Variants in HUWE1 observed in about 807,000 individuals in gnomAD.
The protein encoded by HUWE1 is E3 ubiquitin-protein ligase HUWE1.
A neutral mutation model predicts 299.4 loss-of-function variants in HUWE1; 18 were observed. The observed-to-expected ratio is 0.06, with a 90% CI of 0.04 to 0.09. The LOEUF is 0.09. Ranked by LOEUF, HUWE1 falls within the 10% of genes least tolerant of loss-of-function variation. The pLI is 1.00. For synonymous variants in HUWE1, 1,317 were observed against 1,286.1 expected, an observed-to-expected ratio of 1.02 and a Z score of -0.51; for missense variants, 1,832 against 3,462.3, an observed-to-expected ratio of 0.53 and a Z score of 11.82.
At chrX:53,662,274 A>C (rs958360608) in intron 3 of HUWE1, among the ~76,000 whole-genome samples, 1 of 111,900 alleles carries the variant, frequency 8.9e-6, no homozygotes, top group African/African-American at 3.3e-5. Context: ...AATCCCTGCT[A>C]TATCACTTAC....
chrX:53,559,096 C>A, intron 57 of HUWE1, 36 bp from the exon 58 acceptor site: 1 of 1,080,254 alleles, frequency 9.3e-7, no homozygotes, highest in Admixed American at 2.6e-5. Flanking sequence ...GATTCTTGGC[C>A]TTGTCAAGCA....
At chrX:53,552,971 C>T in intron 61 of HUWE1, 78 bp from the exon 62 acceptor site, 1 of 1,090,239 alleles carries the variant, frequency 9.2e-7, no homozygotes, top group Non-Finnish European at 1.3e-6. Flanking sequence ...TTTGATAGGG[C>T]TGCTTCCTTA....
chrX:53,568,963 G>A, intron 48 of HUWE1, 89 bp from the exon 49 acceptor site: 1 of 740,016 alleles, frequency 1.4e-6, no homozygotes, highest in Non-Finnish European at 2.0e-6. Context: ...TAACCCTCCT[G>A]TAACTTTTGT....
chrX:53,578,581 G>A (rs2063351642), intron 43 of HUWE1, among the ~76,000 whole-genome samples: 1 of 98,129 alleles, frequency 1.0e-5, no homozygotes, highest in Non-Finnish European at 2.1e-5. Context: ...GAGGGGGGAG[G>A]GGGGGTCAGC....
At chrX:53,563,009 T>C (rs1432749171) in intron 52 of HUWE1, 80 bp from the exon 53 acceptor site, 2 of 824,212 alleles carry the variant, frequency 2.4e-6, no homozygotes, top group East Asian at 3.1e-5. Flanking sequence ...AGTAGCTATG[T>C]ACACCTAGCA....
At chrX:53,596,785 G>C (rs1177414696) in intron 29 of HUWE1, among the ~76,000 whole-genome samples, 2 of 112,516 alleles carry the variant, frequency 1.8e-5, no homozygotes, top group Admixed American at 9.4e-5. Flanking sequence ...GACGTTGGAA[G>C]TGCTCCCAAG....
intron 23 of HUWE1, among the ~76,000 whole-genome samples, chrX:53,611,765 CGA>C (rs1557002450): frequency 9.2e-6 from 1 of 108,340 alleles, no homozygotes; most frequent in African/African-American, 3.4e-5. Context: ...GGCTAAGGAC[CGA>C]GAACTGCTTG....
At chrX:53,564,821 G>A in intron 50 of HUWE1, 99 bp from the exon 51 acceptor site, 2 of 1,065,363 alleles carry the variant, frequency 1.9e-6, no homozygotes, top group Non-Finnish European at 1.3e-6. Context: ...CCTTGGGCAA[G>A]TTTGTAAGTT....
chrX:53,553,310 T>G (rs2061850117), intron 61 of HUWE1, among the ~76,000 whole-genome samples: 1 of 108,538 alleles, frequency 9.2e-6, no homozygotes, highest in Non-Finnish European at 1.9e-5. Context: ...GCCCGGCCAG[T>G]TTTTTGTATT....
intron 2 of HUWE1, among the ~76,000 whole-genome samples, chrX:53,682,693 G>T (rs2070233798): frequency 9.0e-6 from 1 of 111,046 alleles, no homozygotes; most frequent in African/African-American, 3.3e-5. Context: ...GTGAGAAGCA[G>T]GTAAGAGGTG....
intron 43 of HUWE1, among the ~76,000 whole-genome samples, chrX:53,578,730 G>T (rs1258115499): frequency 1.7e-4 from 11 of 65,069 alleles, no homozygotes; most frequent in East Asian, 5.6e-4. Context: ...GGTGAGGGGC[G>T]CCTCTGCCCG....
chrX:53,534,767 C>G (rs782255357), intron 81 of HUWE1, 70 bp from the exon 82 acceptor site: 23 of 973,116 alleles, frequency 2.4e-5, no homozygotes, highest in Admixed American at 4.9e-5. Flanking sequence ...GATCCCCCAT[C>G]TGGCTCCCAT....
At chrX:53,541,187 C>A (rs1429871563) in intron 74 of HUWE1, among the ~76,000 whole-genome samples, 1 of 112,100 alleles carries the variant, frequency 8.9e-6, no homozygotes, top group Non-Finnish European at 1.9e-5. Flanking sequence ...TGTTTTAACT[C>A]ATTTAATCCT....
intron 61 of HUWE1, 80 bp downstream of exon 61, chrX:53,554,553 C>A: frequency 9.8e-7 from 1 of 1,019,591 alleles, no homozygotes. Context: ...TTCTCTCAAG[C>A]AAAAGAGCAA....
intron 4 of HUWE1, among the ~76,000 whole-genome samples, chrX:53,650,516 C>G (rs2068386782): frequency 1.8e-5 from 2 of 112,419 alleles, no homozygotes; most frequent in Non-Finnish European, 3.8e-5. Flanking sequence ...GTACTATGGT[C>G]TCTGTTTTAT....
chrX:53,591,245 T>C (rs1177592301), intron 33 of HUWE1, 123 bp from the exon 34 acceptor site: 2 of 763,983 alleles, frequency 2.6e-6, no homozygotes, highest in Non-Finnish European at 3.9e-6. Context: ...AGAGCATTTA[T>C]GAGCTAGGGC....
chrX:53,578,370 C>T (rs1556961805), intron 43 of HUWE1, among the ~76,000 whole-genome samples: 1 of 104,113 alleles, frequency 9.6e-6, no homozygotes, highest in African/African-American at 3.6e-5. Flanking sequence ...GGGTCAGCCC[C>T]CCGCCCGGCC....
chrX:53,578,501 CCCGGCCAGCCGCCCAGT>C (rs2063336580), intron 43 of HUWE1, among the ~76,000 whole-genome samples: 1 of 99,636 alleles, frequency 1.0e-5, no homozygotes, highest in Non-Finnish European at 2.1e-5. Flanking sequence ...CAGCCCCCGG[CCCGGCCAGCCGCCCAGT>C]CCGGGAGGGA....
intron 28 of HUWE1, among the ~76,000 whole-genome samples, chrX:53,601,018 T>G (rs2064802079): frequency 8.9e-6 from 1 of 112,070 alleles, no homozygotes. Flanking sequence ...TTTGAAATTC[T>G]CATTTTGTCA....
Sources: gnomAD v4.1 joint callset for allele counts (sites outside exome capture counted in the v4.1 genomes callset) on GRCh38, gnomAD v4.1.1 for gene constraint, MANE v1.5 for transcripts, NCBI Gene and HGNC (gene_info 2026-07-23, HGNC 2026-07-21) for gene names.